The following TBC1D17 variants were observed in gnomAD, a reference collection of about 807,000 sequenced individuals.
TBC1D17 encodes the protein TBC1 domain family, member 17.
A neutral mutation model predicts 78.8 loss-of-function variants in TBC1D17; 69 were observed. The observed-to-expected ratio is 0.88, with a 90% confidence interval of 0.72 to 1.07. The LOEUF (loss-of-function observed/expected upper bound fraction) is 1.07, where lower values mean the gene tolerates loss of function less well. TBC1D17 is among the 50% of genes least tolerant of loss of function. TBC1D17 has a pLI of 0.00. For missense variants in TBC1D17, 957 were observed against 861.0 expected (o/e 1.11, Z -1.39); for synonymous variants, 456 against 358.3 (o/e 1.27, Z -3.08).
intron 15 of TBC1D17, 78 bp downstream of exon 15, chr19:49,887,912 G>C: frequency 8.1e-7 from 1 of 1,235,294 alleles, no homozygotes; most frequent in South Asian, 1.4e-5. Context: ...CCGGGGAGCA[G>C]GTGTTTAGTG....
intron 13 of TBC1D17, chr19:49,885,059 C>T: frequency 2.5e-6 from 1 of 394,380 alleles, no homozygotes; most frequent in Non-Finnish European, 4.7e-6. Context: ...CCTGCCACTT[C>T]TTATCCCCAC....
chr19:49,887,881 C>T (rs374193258), intron 15 of TBC1D17, 47 bp downstream of exon 15: 50 of 1,461,660 alleles, frequency 3.4e-5, no homozygotes, highest in Non-Finnish European at 4.7e-5. Flanking sequence ...GAGCTGGGCG[C>T]TGCCCAGGGC....
chr19:49,883,583 C>T, intron 9 of TBC1D17, 68 bp from the exon 10 acceptor site: 1 of 1,456,940 alleles, frequency 6.9e-7, no homozygotes, highest in Non-Finnish European at 9.6e-7. Context: ...GAGGTGGCGC[C>T]AGGCTTGGAG....
Position 49,882,366 on chromosome 19 carries a change from A to AAGG in TBC1D17, c.764_765insAGG (p.Asp255delinsGluGly), listed in dbSNP as rs1448028342. 1 of 1,609,190 alleles carries AAGG rather than the reference A, an allele frequency of 6.2e-7. No individual in the cohort carries two copies. The highest frequency in any genetic ancestry group is 8.5e-7 in the Non-Finnish European group (1 of 1,179,934). ...TCCGACCTTCCCCCGCCACCCGACG[A>AAGG]TGAGCCCGAGCCTGGATTCGAGGTC... On this transcript the variant is annotated protein_altering_variant, in exon 7 of 17. Coordinates refer to ENST00000221543, the MANE Select transcript of TBC1D17 (RefSeq NM_024682.3).
At chr19:49,882,620 C>G (rs2075025258) in intron 7 of TBC1D17, 144 bp from the exon 8 acceptor site, 2 of 1,392,634 alleles carry the variant, frequency 1.4e-6, no homozygotes, top group East Asian at 5.1e-5. Context: ...GACTTGGCTG[C>G]TGAGCCCCGG....
chr19:49,887,703 G>A lies in TBC1D17; in HGVS notation c.1543-15G>A, dbSNP rs1225784615. 1.2e-6 allele frequency: 2 copies of A among 1,613,318 alleles called. No homozygotes were observed. The highest frequency in any genetic ancestry group is 4.5e-5 in the East Asian group (2 of 44,870). On this transcript the variant is annotated splice_polypyrimidine_tract_variant and intron_variant, in intron 14 of 16. Transcript: ENST00000221543. ...GGCTATGACCTCCCTCCCTCCCTCT[G>A]TCCCGCACCCTCAGGTGCTGTGGAC...
chr19:49,883,802 T>A, intron 10 of TBC1D17, 57 bp downstream of exon 10: 1 of 1,485,306 alleles, frequency 6.7e-7, no homozygotes, highest in Non-Finnish European at 9.4e-7. Flanking sequence ...CAGGAGGGCC[T>A]CAGGCATAAG....
chr19:49,878,268 A>T lies in TBC1D17; in HGVS notation c.120+27A>T, dbSNP rs771165808. 9.1e-6 allele frequency: 14 copies of T among 1,546,686 alleles called. No individual in the cohort carries two copies. In the South Asian group the frequency reaches 1.7e-4, roughly 18 times the overall value. On this transcript the variant is annotated intron_variant, in intron 2 of 16. Transcript: ENST00000221543. ...TGCGCTGGGAGGGAGCAGGGCTCGG[A>T]CCCGCTCCGAGCGGGATGCAGGCGG...
In TBC1D17 at chr19:49,887,521, T is replaced by G; in HGVS notation, c.1490T>G (p.Leu497Arg). 3 of 1,614,164 alleles carry G rather than the reference T, an allele frequency of 1.9e-6. No homozygotes were observed. Among genetic ancestry groups the G allele is most frequent in the Non-Finnish European group, 2.5e-6 (3 of 1,180,014 alleles). Residue 497 changes from leucine (L) to arginine (R), a missense_variant, in exon 14 of 17, where the codon CTC becomes CGC. By Grantham distance (102) the Leu-to-Arg change is moderately radical (BLOSUM62 -2). Transcript: ENST00000221543. ...CTCTGCTTCTGTTTCCGGTGGCTGC[T>G]CATCTGGTTCAAGAGGGAATTCCCC... ...GSLCFCFRWLLIWFKREFPFP... is the reference protein window; with the variant it reads ...GSLCFCFRWLRIWFKREFPFP...
rs1349224164 is a variant in TBC1D17 at position 49,887,552 on chromosome 19, G to A, written c.1521G>A (p.Pro507=). Residue 507 remains proline, a synonymous_variant, in exon 14 of 17, where the codon CCG becomes CCA. Coordinates refer to ENST00000221543, the MANE Select transcript of TBC1D17 (RefSeq NM_024682.3). ...GGTTCAAGAGGGAATTCCCCTTCCC[G>A]GATGTCCTTCGGCTGTGGGAGGTGG... ...LIWFKREFPF[P]DVLRLWEVLW... is the part of the protein sequence containing the mutation. 8.7e-6 allele frequency: 14 copies of A among 1,614,176 alleles called. No homozygotes were observed. Among genetic ancestry groups the A allele is most frequent in the East Asian group, 2.2e-5 (1 of 44,882 alleles).
intron 13 of TBC1D17, chr19:49,887,152 T>G: frequency 3.2e-6 from 1 of 314,626 alleles, no homozygotes; most frequent in South Asian, 2.6e-5. Context: ...CTTAAATTTT[T>G]GCTACAGCGT....
At position 49,878,527 on chromosome 19, in the gene TBC1D17, T is replaced by A. The variant is rs753942998; in HGVS notation, c.150T>A (p.Pro50=). Residue 50 remains proline (P), a synonymous_variant, in exon 3 of 17, where the codon CCT becomes CCA. Transcript: ENST00000221543. ...KDNDVLLHWA[P]VEEAGDSTQI... ...ATGACGTCCTCCTGCACTGGGCTCCTGTAGAGGAGGCTGGAGATTCCACCC... is the reference window on the plus strand; with the variant it reads ...ATGACGTCCTCCTGCACTGGGCTCCAGTAGAGGAGGCTGGAGATTCCACCC... 4 of 1,614,164 alleles carry A rather than the reference T, an allele frequency of 2.5e-6. No homozygotes were observed. The highest frequency in any genetic ancestry group is 1.7e-5 in the Admixed American group (1 of 60,018).
chr19:49,882,853 G>GA lies in TBC1D17; in HGVS notation c.888_889insA (p.Gln297ThrfsTer5). 1 of 1,611,446 alleles carries GA rather than the reference G, an allele frequency of 6.2e-7. No individual in the cohort carries two copies. Among genetic ancestry groups the GA allele is most frequent in the Non-Finnish European group, 8.5e-7 (1 of 1,179,318 alleles). On this transcript the variant is annotated frameshift_variant, in exon 8 of 17. Transcript: ENST00000221543. LOFTEE classifies it high-confidence loss of function. ...GCCACGTGGGCCCTGAAGGTCGCCT[G>GA]CAGCAGGTCCCTGAGCTGAAGAACC...
intron 7 of TBC1D17, 98 bp downstream of exon 7, chr19:49,882,498 G>A: frequency 6.6e-7 from 1 of 1,520,824 alleles, no homozygotes; most frequent in Non-Finnish European, 8.8e-7. Context: ...TGGTAAAACG[G>A]GGATGGTAAT....
At position 49,878,111 on chromosome 19, in the gene TBC1D17, GCCCCAGCCCTCGCTGGTTCCC is replaced by G. The variant is rs2074975070; in HGVS notation, c.22-28_22-8del. 7 of 1,541,664 alleles carry G rather than the reference GCCCCAGCCCTCGCTGGTTCCC, an allele frequency of 4.5e-6. No individual in the cohort carries two copies. The East Asian group carries it at 1.7e-4, about 38-fold the overall frequency. On this transcript the variant is annotated splice_polypyrimidine_tract_variant and intron_variant, in intron 1 of 16. Transcript: ENST00000221543. ...TCCCCAGGCTGGTCCCCTCGCTTGG[GCCCCAGCCCTCGCTGGTTCCC>G]CCCAACTCAGGTGGTGTTTGAGAAG... is the stretch of plus-strand genomic sequence containing the variant.
In TBC1D17 at chr19:49,877,718, G is replaced by C; in HGVS notation, c.-6G>C. 1 of 1,600,914 alleles carries C rather than the reference G, an allele frequency of 6.2e-7. No homozygotes were observed. Among genetic ancestry groups the C allele is most frequent in the Non-Finnish European group, 8.5e-7 (1 of 1,174,538 alleles). ...AGGCGGGGCAGTGGGGCCTTCGGCG[G>C]CGACTATGGAAGGAGCCGGCTACAG... On this transcript the variant is annotated 5_prime_UTR_variant, in exon 1 of 17. Transcript: ENST00000221543.
Position 49,884,727 on chromosome 19 carries a change from G to T in TBC1D17, c.1413G>T (p.Arg471Ser). Residue 471 changes from arginine to serine, a missense_variant, in exon 13 of 17, where the codon AGG becomes AGT. Transcript: ENST00000221543. ...RQLGRLLLLL[R>S]VLDPLLCDFL... ...TCGGGCGACTGCTGCTGCTCCTGAG[G>T]GTGCTGGACCCCCTGCTCTGCGACT... is the stretch of plus-strand genomic sequence containing the variant. 6.2e-7 allele frequency: 1 copy of T among 1,614,034 alleles called. No individual in the cohort carries two copies. The highest frequency in any genetic ancestry group is 8.5e-7 in the Non-Finnish European group (1 of 1,180,020).
At chr19:49,879,299 T>G (rs1482748811) in intron 3 of TBC1D17, 1 of 152,242 alleles carries the variant, frequency 6.6e-6, no homozygotes, top group Non-Finnish European at 1.5e-5. Flanking sequence ...GAGACCTCCA[T>G]TGGAGCTGAT....
At chr19:49,885,224 G>T (rs955134356) in intron 13 of TBC1D17, 10 of 179,682 alleles carry the variant, frequency 5.6e-5, no homozygotes, top group African/African-American at 2.4e-4. Context: ...AAGGCGGGCG[G>T]ATCACTTGAG....
Sources: allele counts gnomAD v4.1 joint callset, GRCh38; gene constraint gnomAD v4.1.1; transcripts MANE v1.5; gene names NCBI Gene and HGNC (gene_info 2026-07-23, HGNC 2026-07-21).